PARG: variants seen among roughly 807,000 people sequenced by gnomAD.
PARG encodes poly(ADP-ribose) glycohydrolase.
In PARG, 35 loss-of-function variants were observed where a neutral mutation model predicts 113.0. The ratio of observed to expected loss-of-function variants is 0.31; its 90% CI spans 0.24 to 0.41. The LOEUF is 0.41. Ranked by LOEUF, PARG falls within the 10% of genes least tolerant of loss-of-function variation. The probability of loss-of-function intolerance (pLI) is 1.00; values close to 1 mark genes in which losing one functional copy is unlikely to be tolerated. For missense variants in PARG, 797 were observed against 1,169.4 expected, an observed-to-expected ratio of 0.68 and a Z score of 4.64; for synonymous variants, 330 against 409.9, an observed-to-expected ratio of 0.81 and a Z score of 2.36.
At chr10:49,931,128 T>A (rs1195458815) in intron 4 of PARG, among the ~76,000 whole-genome samples, 1 of 151,368 alleles carries the variant, frequency 6.6e-6, no homozygotes, top group African/African-American at 2.4e-5. Context: ...GATATTCACA[T>A]TGGTTTTTGT....
At chr10:49,933,085 T>C in intron 3 of PARG, 92 bp downstream of exon 3, 1 of 945,032 alleles carries the variant, frequency 1.1e-6, no homozygotes, top group Non-Finnish European at 1.6e-6. Context: ...ACCATTTCTT[T>C]GCTTTACTAG....
intron 12 of PARG, among the ~76,000 whole-genome samples, chr10:49,860,290 AAGGTC>A (rs2132535207): frequency 6.6e-6 from 1 of 151,726 alleles, no homozygotes; most frequent in South Asian, 2.1e-4. Context: ...ATTGTAATGA[AAGGTC>A]AGCATTCCTG....
chr10:49,897,345 T>C (rs1371434021), intron 7 of PARG, among the ~76,000 whole-genome samples: 6 of 152,214 alleles, frequency 3.9e-5, no homozygotes, highest in African/African-American at 1.4e-4. Context: ...TTTACTACCA[T>C]TAAACCACGA....
Position 49,932,277 on chromosome 10 carries a change from T to C in PARG, c.1278A>G (p.Glu426=), listed in dbSNP as rs1292744034. The change falls in exon 4 of 18, where the codon GAA becomes GAG. Residue 426 remains glutamate (E), a synonymous_variant. Transcript: ENST00000616448. ...RLPKAEDRRK[E]QWETKHQRTE... ...TTCTTTGATGTTTGGTTTCCCACTGTTCTTTTCTAAGGTCAAGACAAATGT... is the reference window on the plus strand; with the variant it reads ...TTCTTTGATGTTTGGTTTCCCACTGCTCTTTTCTAAGGTCAAGACAAATGT... The C allele has an allele frequency of 1.2e-5, 18 of 1,562,724 alleles. No individual in the cohort carries two copies. The highest frequency in any genetic ancestry group is 1.5e-5 in the Non-Finnish European group (17 of 1,133,170).
chr10:49,845,004 C>T (rs1845438016), intron 13 of PARG, among the ~76,000 whole-genome samples: 1 of 152,030 alleles, frequency 6.6e-6, no homozygotes, highest in Non-Finnish European at 1.5e-5. Context: ...AAATATTGCT[C>T]AACATTATTA....
At chr10:49,920,473 T>C (rs1464221704) in intron 6 of PARG, among the ~76,000 whole-genome samples, 1 of 81,796 alleles carries the variant, frequency 1.2e-5, no homozygotes, top group Non-Finnish European at 2.6e-5. Context: ...AATATATATA[T>C]ATATATATAT....
At chr10:49,904,488 T>C (rs1221488530) in intron 7 of PARG, among the ~76,000 whole-genome samples, 3 of 151,710 alleles carry the variant, frequency 2.0e-5, no homozygotes, top group Admixed American at 1.3e-4. Flanking sequence ...TGTGTCAAGG[T>C]AGGTTCATCA....
chr10:49,873,407 T>C (rs1211026207), intron 9 of PARG, among the ~76,000 whole-genome samples: 1 of 146,078 alleles, frequency 6.8e-6, no homozygotes, highest in African/African-American at 2.5e-5. Context: ...CACATAAAAG[T>C]GGGGGGACTT....
chr10:49,864,698 TTAAGAAA>T (rs1402483291), intron 11 of PARG, among the ~76,000 whole-genome samples: 1 of 124,388 alleles, frequency 8.0e-6, no homozygotes, highest in Non-Finnish European at 1.7e-5. Context: ...TTGCTTTAGA[TTAAGAAA>T]TATGTTAACT....
intron 6 of PARG, among the ~76,000 whole-genome samples, chr10:49,920,446 C>T (rs1354439563): frequency 9.4e-5 from 4 of 42,548 alleles, no homozygotes; most frequent in Non-Finnish European, 1.7e-4. Context: ...GACCCAGCCT[C>T]AAATTAAAAA....
At position 49,861,586 on chromosome 10, in the gene PARG, A is replaced by G. The variant is rs201002247; in HGVS notation, c.2205+2T>C. 4.8e-5 allele frequency: 74 copies of G among 1,545,242 alleles called. No individual in the cohort carries two copies. The highest frequency in any genetic ancestry group is 6.3e-5 in the Non-Finnish European group (71 of 1,126,612). On this transcript the variant is annotated splice_donor_variant, in intron 12 of 17. Transcript: ENST00000616448. LOFTEE classifies it high-confidence loss of function. Reference sequence around the variant, plus strand: ...ACACAGACACTACTAAGATTCACCTACCTGTAGCATGCCTTGGCCATTTTC... The same window carrying G: ...ACACAGACACTACTAAGATTCACCTGCCTGTAGCATGCCTTGGCCATTTTC...
At chr10:49,936,348 T>C (rs1342981432) in intron 1 of PARG, among the ~76,000 whole-genome samples, 1 of 152,156 alleles carries the variant, frequency 6.6e-6, no homozygotes, top group Non-Finnish European at 1.5e-5. Context: ...AAGAGAATTG[T>C]GTTTAGGGAA....
At chr10:49,937,339 G>A (rs1261964645) in intron 1 of PARG, among the ~76,000 whole-genome samples, 1 of 152,090 alleles carries the variant, frequency 6.6e-6, no homozygotes, top group Middle Eastern at 3.2e-3. Context: ...AGCCAGACGT[G>A]GTGGCGGGCG....
intron 16 of PARG, among the ~76,000 whole-genome samples, chr10:49,831,390 T>C (rs17719813): frequency 0.19 from 28,929 of 152,146 alleles, 3,294 homozygotes; most frequent in Non-Finnish European, 0.27. Context: ...TTATGTCTGC[T>C]TTATTGCTTG....
intron 16 of PARG, among the ~76,000 whole-genome samples, chr10:49,826,892 G>A (rs1378748384): frequency 6.6e-6 from 1 of 152,180 alleles, no homozygotes; most frequent in Non-Finnish European, 1.5e-5. Flanking sequence ...TAATCTGATG[G>A]AGACAGATGA....
At chr10:49,912,933 C>G (rs1159280809) in intron 7 of PARG, among the ~76,000 whole-genome samples, 1 of 152,192 alleles carries the variant, frequency 6.6e-6, no homozygotes, top group Non-Finnish European at 1.5e-5. Flanking sequence ...AGCACCACTG[C>G]ACTATAGCCT....
chr10:49,928,031 G>T (rs1163381357), intron 4 of PARG, among the ~76,000 whole-genome samples: 3 of 152,064 alleles, frequency 2.0e-5, no homozygotes, highest in Non-Finnish European at 4.4e-5. Context: ...CAGCACATTG[G>T]GGGGCCCAGG....
At chr10:49,860,662 G>A (rs1276928275) in intron 12 of PARG, among the ~76,000 whole-genome samples, 43 of 152,100 alleles carry the variant, frequency 2.8e-4, no homozygotes, top group African/African-American at 7.2e-4. Flanking sequence ...ATAACTAGAC[G>A]TAAATCTTAT....
At chr10:49,841,126 G>T (rs376123377) in intron 15 of PARG, among the ~76,000 whole-genome samples, 2 of 152,010 alleles carry the variant, frequency 1.3e-5, no homozygotes, top group Non-Finnish European at 2.9e-5. Context: ...GGTGGCAGGC[G>T]CTTGTAATCT....
Sources: allele counts gnomAD v4.1 joint callset (sites outside exome capture counted in the v4.1 genomes callset), GRCh38; gene constraint gnomAD v4.1.1; transcripts MANE v1.5; gene names NCBI Gene and HGNC (gene_info 2026-07-23, HGNC 2026-07-21).